Variants in EXOC3L2 observed in about 807,000 individuals in gnomAD.
The protein encoded by EXOC3L2 is exocyst complex component 3-like protein 2.
In EXOC3L2, 17 loss-of-function variants were observed where a neutral mutation model predicts 44.4. The ratio of observed to expected loss-of-function variants is 0.38; its 90% CI spans 0.26 to 0.57. EXOC3L2 has a LOEUF of 0.57. EXOC3L2 is among the 20% of genes least tolerant of loss of function. EXOC3L2 has a pLI of 0.65. For synonymous variants in EXOC3L2, 256 were observed against 253.7 expected (o/e 1.01, Z -0.09); for missense variants, 541 against 588.4 (o/e 0.92, Z 0.83).
At chr19:45,216,216 G>A in intron 10 of EXOC3L2, 22 bp from the exon 11 acceptor site, 1 of 1,612,100 alleles carries the variant, frequency 6.2e-7, no homozygotes, top group Non-Finnish European at 8.5e-7. Context: ...GGAGGGTGCG[G>A]GGTCACACCC....
intron 8 of EXOC3L2, among the ~76,000 whole-genome samples, chr19:45,220,079 A>C (rs1969880740): frequency 6.6e-6 from 1 of 152,112 alleles, no homozygotes; most frequent in African/African-American, 2.4e-5. Context: ...AGGCTGAGGC[A>C]GTAGAATCTC....
intron 1 of EXOC3L2, among the ~76,000 whole-genome samples, chr19:45,240,867 G>A (rs892656675): frequency 6.6e-6 from 1 of 152,078 alleles, no homozygotes. Context: ...TCACACCACC[G>A]CATTCTGGCC....
At chr19:45,221,232 G>A (rs925955606) in intron 8 of EXOC3L2, among the ~76,000 whole-genome samples, 1 of 151,010 alleles carries the variant, frequency 6.6e-6, no homozygotes, top group Non-Finnish European at 1.5e-5. Context: ...TTGAAAGATA[G>A]GGTCTCACTA....
intron 9 of EXOC3L2, among the ~76,000 whole-genome samples, chr19:45,217,895 G>C (rs1403632126): frequency 6.6e-6 from 1 of 151,762 alleles, no homozygotes; most frequent in African/African-American, 2.4e-5. Flanking sequence ...AGTCTCTGCC[G>C]GTCCCCAAAG....
chr19:45,234,764 C>T lies in EXOC3L2; in HGVS notation c.586G>A (p.Glu196Lys). The T allele has an allele frequency of 5.0e-6, 2 of 396,246 alleles. No individual in the cohort carries two copies. Among genetic ancestry groups the T allele is most frequent in the Non-Finnish European group, 8.9e-6 (2 of 224,498 alleles). The allele number at this position is 396,246 out of a possible 1,614,324, so 24.5% of individuals were successfully genotyped here. A position where few individuals can be genotyped will look rare whatever the true frequency, so the allele number is the denominator to read the frequency against. ...ELARADEHIL[E>K]LEAEELAPSR... Reference sequence around the variant, plus strand: ...GGCGCCAGCTCCTCGGCCTCTAGCTCCAGGATGTGCTCGTCCGCACGCGCT... The same window carrying T: ...GGCGCCAGCTCCTCGGCCTCTAGCTTCAGGATGTGCTCGTCCGCACGCGCT... The change falls in exon 3 of 12, where the codon GAG (glutamate) becomes AAG (lysine). Residue 196 changes from glutamate (E) to lysine (K), a missense_variant. Transcript: ENST00000413988. The surrounding 1 kb of genome is among the most constrained non-coding windows in gnomAD (Gnocchi z 5.0).
chr19:45,218,317 T>C lies in EXOC3L2; in HGVS notation c.1722A>G (p.Pro574=), dbSNP rs1346355932. Residue 574 remains proline, a splice_region_variant and synonymous_variant, in exon 9 of 12, where the codon CCA becomes CCG. Transcript: ENST00000413988. ...VANLLFQELQ[P]HFNKLMRRKW... ...TCCGGCGCATCAGCTTGTTGAAGTGTGGCTGGCAGGGACAGAGTAGGGGGT... is the reference window on the plus strand; with the variant it reads ...TCCGGCGCATCAGCTTGTTGAAGTGCGGCTGGCAGGGACAGAGTAGGGGGT... 2.4e-5 allele frequency: 39 copies of C among 1,602,186 alleles called. No individual in the cohort carries two copies. The highest frequency in any genetic ancestry group is 3.2e-5 in the Non-Finnish European group (37 of 1,174,286).
intron 11 of EXOC3L2, among the ~76,000 whole-genome samples, chr19:45,214,931 G>A (rs887187184): frequency 6.6e-6 from 1 of 151,512 alleles, no homozygotes; most frequent in Non-Finnish European, 1.5e-5. Context: ...AGAGGCAGGC[G>A]GATCACCTGA....
intron 8 of EXOC3L2, 146 bp from the exon 9 acceptor site, chr19:45,218,465 G>A: frequency 1.7e-6 from 2 of 1,145,118 alleles, no homozygotes; most frequent in African/African-American, 1.6e-5. Context: ...CCCAGCCCTG[G>A]CATCCTTGGA....
intron 4 of EXOC3L2, among the ~76,000 whole-genome samples, chr19:45,228,695 C>T (rs1386274061): frequency 6.6e-6 from 1 of 151,810 alleles, no homozygotes; most frequent in Non-Finnish European, 1.5e-5. Context: ...TTGCTTCAAC[C>T]TGGGAGACAG....
At position 45,217,412 on chromosome 19, in the gene EXOC3L2, G is replaced by A. The variant is rs1969846594; in HGVS notation, c.1998+116C>T. On this transcript the variant is annotated intron_variant, in intron 10 of 11. Coordinates refer to ENST00000413988, the MANE Select transcript of EXOC3L2 (RefSeq NM_001382422.1). ...GGTTGCTATTGACCCGAAGTTGGGT[G>A]AGAGTTTCTGTCCTGAGCTCTGCCC... 9 of 1,273,140 alleles carry A rather than the reference G, an allele frequency of 7.1e-6. No homozygotes were observed. The South Asian group carries it at 1.2e-4, about 17-fold the overall frequency. 78.9% of individuals were successfully genotyped at this position (1,273,140 alleles called of 1,614,324 possible).
Position 45,213,348 on chromosome 19 carries a change from G to A in EXOC3L2, c.2130C>T (p.His710=), listed in dbSNP as rs1385628675. Residue 710 remains histidine, a synonymous_variant, in exon 12 of 12, where the codon CAC becomes CAT. Coordinates refer to ENST00000413988, the MANE Select transcript of EXOC3L2 (RefSeq NM_001382422.1). ...VRDYPDIRQK[H]VAALLDIRGL... is the part of the protein sequence containing the mutation. ...CACGGATGTCGAGGAGGGCTGCCAC[G>A]TGCTTCTGCCTGTGGGGAGAGGAAC... is the stretch of plus-strand genomic sequence containing the variant. The A allele has an allele frequency of 1.7e-5, 28 of 1,613,324 alleles. No individual in the cohort carries two copies. The highest frequency in any genetic ancestry group is 2.0e-5 in the Non-Finnish European group (24 of 1,179,760).
rs1366561322 is a variant in EXOC3L2, at chr19:45,213,049, G to A, written c.*20C>T. On this transcript the variant is annotated 3_prime_UTR_variant, in exon 12 of 12. Transcript: ENST00000413988. ...TCAGCAGCATAGATGGGGTCACTAA[G>A]GCCGGCGGTTGGGTGACCCTCAGCG... 1 of 1,467,002 alleles carries A rather than the reference G, an allele frequency of 6.8e-7. No homozygotes were observed. 90.9% of individuals were successfully genotyped at this position (1,467,002 alleles called of 1,614,324 possible).
chr19:45,231,263 CT>C (rs1286749597), intron 4 of EXOC3L2, among the ~76,000 whole-genome samples: 1 of 152,060 alleles, frequency 6.6e-6, no homozygotes, highest in African/African-American at 2.4e-5. Flanking sequence ...CTGGGCCATT[CT>C]GCTCAGCGGT....
chr19:45,242,205 T>C (rs1970136284), intron 1 of EXOC3L2, among the ~76,000 whole-genome samples: 1 of 152,218 alleles, frequency 6.6e-6, no homozygotes, highest in South Asian at 2.1e-4. Flanking sequence ...TAAACACTTC[T>C]GTGCCTACAA....
rs75727214 is a variant in EXOC3L2, at chr19:45,233,891, G to C, written c.1157+302C>G. On this transcript the variant is annotated intron_variant, in intron 3 of 11. Transcript: ENST00000413988. ...TTCGGGGACTGGAAGGGTGGACAGC[G>C]AGGCGATCTAGAGTGTAAGTGTTGA... 9.7e-3 allele frequency among the ~76,000 whole-genome samples: 1,482 copies of C among 152,320 alleles called. 18 individuals are homozygous for C. The highest frequency in any genetic ancestry group is 0.016 in the Non-Finnish European group (1,119 of 68,030).
chr19:45,215,963 C>T (rs955067051), intron 11 of EXOC3L2, 110 bp downstream of exon 11: 12 of 1,476,156 alleles, frequency 8.1e-6, no homozygotes, highest in Middle Eastern at 1.9e-4. Context: ...CCGTCAGACA[C>T]GCTCACCGGC....
At chr19:45,226,580 G>A (rs1356212239) in intron 7 of EXOC3L2, among the ~76,000 whole-genome samples, 2 of 151,756 alleles carry the variant, frequency 1.3e-5, no homozygotes, top group East Asian at 3.9e-4. Context: ...GGGATTACAG[G>A]CACCTGCCAT....
Position 45,212,598 on chromosome 19 carries a change from CTT to C in EXOC3L2, c.*469_*470del, listed in dbSNP as rs530736333. ...CTCTTTGGCCTCTGTTTCCCCCTAC[CTT>C]TTTTTTTTTTTTTTTTTTTTGAGAA... On this transcript the variant is annotated 3_prime_UTR_variant, in exon 12 of 12. Transcript: ENST00000413988. 9.7e-4 allele frequency: 108 copies of C among 111,272 alleles called. 1 individual carries two copies. Among genetic ancestry groups the C allele is most frequent in the East Asian group, 2.3e-3 (9 of 3,832 alleles). 6.9% of individuals were successfully genotyped at this position (111,272 alleles called of 1,614,324 possible).
chr19:45,243,801 T>C (rs960868493), intron 1 of EXOC3L2, among the ~76,000 whole-genome samples: 5 of 152,222 alleles, frequency 3.3e-5, no homozygotes, highest in Middle Eastern at 3.4e-3. Context: ...GGCTAATTTT[T>C]GTATTTTTAG....
Sources: gnomAD v4.1 joint callset for allele counts (sites outside exome capture counted in the v4.1 genomes callset) on GRCh38, gnomAD v4.1.1 for gene constraint, Gnocchi (gnomAD v3.1) non-coding constraint, MANE v1.5 for transcripts, NCBI Gene and HGNC (gene_info 2026-07-23, HGNC 2026-07-21) for gene names.